Variants in DMD observed in about 807,000 individuals in gnomAD.
The protein encoded by DMD is dystrophin.
DMD carries 63 observed loss-of-function variants against 330.1 expected under a neutral mutation model. The observed-to-expected ratio is 0.19, with a 90% CI of 0.16 to 0.24. The LOEUF (loss-of-function observed/expected upper bound fraction) is 0.24. Ranked by LOEUF, DMD falls within the 10% of genes least tolerant of loss-of-function variation. DMD has a pLI of 1.00. For missense variants in DMD, 3,344 were observed against 2,684.1 expected, an observed-to-expected ratio of 1.25 and a Z score of -5.43; for synonymous variants, 1,223 against 959.8, an observed-to-expected ratio of 1.27 and a Z score of -5.07.
chrX:31,501,815 C>T (rs1001641019), intron 56 of DMD, among the ~76,000 whole-genome samples: 16 of 111,400 alleles, frequency 1.4e-4, no homozygotes, highest in Non-Finnish European at 3.0e-4. Flanking sequence ...TGATATATCC[C>T]TATAAATCTT....
intron 62 of DMD, among the ~76,000 whole-genome samples, chrX:31,270,146 A>G (rs1002087053): frequency 1.1e-4 from 12 of 106,957 alleles, no homozygotes; most frequent in African/African-American, 4.1e-4. Context: ...TACGCAAACC[A>G]TTCCTCCCTT....
At chrX:31,147,229 A>C in intron 75 of DMD, 46 bp downstream of exon 75, 1 of 1,208,875 alleles carries the variant, frequency 8.3e-7, no homozygotes. Flanking sequence ...AGTTTTGTTT[A>C]AGAGGGAAAA....
At chrX:32,411,217 G>A (rs756725659) in intron 30 of DMD, among the ~76,000 whole-genome samples, 2 of 111,131 alleles carry the variant, frequency 1.8e-5, no homozygotes, top group South Asian at 7.6e-4. Context: ...TGCAACCTCC[G>A]CCTCCCGTGT....
chrX:31,661,126 T>C (rs768852294), intron 53 of DMD, among the ~76,000 whole-genome samples: 6 of 112,130 alleles, frequency 5.4e-5, no homozygotes, highest in Non-Finnish European at 1.1e-4. Flanking sequence ...TTTGATGTAC[T>C]TTAATGCTTG....
At chrX:33,075,924 C>A (rs1375754490) in intron 1 of DMD, among the ~76,000 whole-genome samples, 2 of 111,845 alleles carry the variant, frequency 1.8e-5, no homozygotes, top group African/African-American at 6.5e-5. Flanking sequence ...GTAGGACTAA[C>A]AAAATAGCCA....
At chrX:32,739,169 T>G (rs1371723171) in intron 7 of DMD, among the ~76,000 whole-genome samples, 1 of 111,715 alleles carries the variant, frequency 9.0e-6, no homozygotes, top group Non-Finnish European at 1.9e-5. Context: ...TCAGGGATCT[T>G]AAGAAATTTG....
chrX:32,820,650 G>A (rs1280586745), intron 5 of DMD, among the ~76,000 whole-genome samples: 6 of 111,175 alleles, frequency 5.4e-5, no homozygotes, highest in South Asian at 3.8e-4. Context: ...CTCTGTGCAT[G>A]CTTGAGTTCT....
intron 2 of DMD, among the ~76,000 whole-genome samples, chrX:32,932,229 G>A (rs2089651823): frequency 8.9e-6 from 1 of 111,820 alleles, no homozygotes; most frequent in Non-Finnish European, 1.9e-5. Flanking sequence ...TGTAAGGTGG[G>A]GTCACAAATC....
intron 52 of DMD, among the ~76,000 whole-genome samples, chrX:31,708,215 T>A (rs1409220923): frequency 8.9e-6 from 1 of 111,948 alleles, no homozygotes; most frequent in Non-Finnish European, 1.9e-5. Flanking sequence ...ACCCTAAACT[T>A]ACTGAATCAG....
chrX:32,499,915 T>C (rs904945409), intron 19 of DMD, among the ~76,000 whole-genome samples: 2 of 111,259 alleles, frequency 1.8e-5, no homozygotes, highest in African/African-American at 3.3e-5. Flanking sequence ...ACGGAACAAA[T>C]AGATAAGTTA....
intron 2 of DMD, among the ~76,000 whole-genome samples, chrX:32,990,938 G>A (rs377426234): frequency 5.4e-5 from 6 of 111,164 alleles, no homozygotes; most frequent in African/African-American, 1.6e-4. Context: ...CCTAGAAAAG[G>A]TTGGGATTAC....
chrX:33,006,532 C>A (rs2093399435), intron 2 of DMD, among the ~76,000 whole-genome samples: 1 of 111,383 alleles, frequency 9.0e-6, no homozygotes, highest in Non-Finnish European at 1.9e-5. Context: ...AACTGGACAT[C>A]TACATGCAAA....
intron 17 of DMD, among the ~76,000 whole-genome samples, chrX:32,535,451 A>C (rs2047862625): frequency 8.9e-6 from 1 of 111,909 alleles, no homozygotes; most frequent in Non-Finnish European, 1.9e-5. Context: ...TTTCTAGAGC[A>C]GATGTATCTC....
chrX:32,745,238 T>C lies in DMD; in HGVS notation c.650-45945A>G, dbSNP rs186489858. Among the ~76,000 whole-genome samples the C allele has an allele frequency of 6.2e-5, 7 of 112,314 alleles. No homozygotes were observed. In the Admixed American group the frequency reaches 6.6e-4, roughly 11 times the overall value. On this transcript the variant is annotated intron_variant, in intron 7 of 78. Coordinates refer to ENST00000357033, the MANE Select transcript of DMD (RefSeq NM_004006.3). ...GAATGAGTAACATTACAATGCTTTT[T>C]ATAACTTCAAACATTCACCCCCATA... is the stretch of plus-strand genomic sequence containing the variant.
intron 44 of DMD, among the ~76,000 whole-genome samples, chrX:32,134,553 C>T (rs6628677): frequency 0.46 from 50,253 of 108,760 alleles, 9,273 homozygotes; most frequent in African/African-American, 0.68. Context: ...AGGAGACATC[C>T]GTGAAGATGC....
rs770722415 is a variant in DMD at position 31,147,444 on chromosome X, G to C, written c.10628C>G (p.Pro3543Arg). The C allele has an allele frequency of 8.3e-7, 1 of 1,206,909 alleles. No homozygotes were observed. The highest frequency in any genetic ancestry group is 2.2e-5 in the Admixed American group (1 of 45,877). ...CTGGGGAGAGGTGGGCATCATTTCAGGAGGGGACGGCAGTGGGGACAGGCC... is the reference window on the plus strand; with the variant it reads ...CTGGGGAGAGGTGGGCATCATTTCACGAGGGGACGGCAGTGGGGACAGGCC... The part of the protein sequence containing the change: ...HKGLSPLPSP[P>R]EMMPTSPQSP... Residue 3543 changes from proline to arginine, a missense_variant, in exon 75 of 79, where the codon CCT becomes CGT. Coordinates refer to ENST00000357033, the MANE Select transcript of DMD (RefSeq NM_004006.3).
At chrX:32,442,187 G>A (rs1420955206) in intron 27 of DMD, among the ~76,000 whole-genome samples, 3 of 110,178 alleles carry the variant, frequency 2.7e-5, no homozygotes, top group Admixed American at 9.7e-5. Context: ...GAATACATTC[G>A]ACTACATTAA....
chrX:32,349,567 AG>A (rs1239785006), intron 37 of DMD, among the ~76,000 whole-genome samples: 1 of 111,510 alleles, frequency 9.0e-6, no homozygotes, highest in East Asian at 2.8e-4. Context: ...TCACATTCCC[AG>A]GAAGAGGTTG....
rs183337454 is a variant in DMD at position 32,664,300 on chromosome X, A to G, written c.961-19148T>C. Among the ~76,000 whole-genome samples the G allele has an allele frequency of 4.6e-3, 439 of 96,004 alleles. 6 individuals carry two copies. The highest frequency in any genetic ancestry group is 0.031 in the Admixed American group (248 of 8,022). The allele number at this position is 96,004 out of a possible 115,157, so 83.4% of individuals were successfully genotyped here. A position where few individuals can be genotyped will look rare whatever the true frequency, so the allele number is the denominator to read the frequency against. ...TCTGTCACCCAGGCTGGAGTGCAGT[A>G]GCGCGATATCCGCTCACTACAAGCT... On this transcript the variant is annotated intron_variant, in intron 9 of 78. Transcript: ENST00000357033.
Sources: gnomAD v4.1 joint callset for allele counts (sites outside exome capture counted in the v4.1 genomes callset) on GRCh38, gnomAD v4.1.1 for gene constraint, MANE v1.5 for transcripts, NCBI Gene and HGNC (gene_info 2026-07-23, HGNC 2026-07-21) for gene names.